Variants in WDFY4 observed in about 807,000 individuals in gnomAD.
WDFY4 encodes the protein WDFY family member 4.
WDFY4 carries 169 observed loss-of-function variants against 351.9 expected under a neutral mutation model. The observed-to-expected ratio is 0.48, with a 90% CI of 0.42 to 0.55. WDFY4 has a LOEUF of 0.55. Ranked by LOEUF, WDFY4 falls within the 20% of genes least tolerant of loss-of-function variation. The pLI is 0.00. For synonymous variants in WDFY4, 1,622 were observed against 1,574.6 expected (o/e 1.03, Z -0.71); for missense variants, 3,803 against 3,935.6 (o/e 0.97, Z 0.90).
In WDFY4 at chr10:48,708,952, A is replaced by C. The variant is rs115257037; in HGVS notation, c.-17-764A>C. ...TGAACTATTTACATCTCTTTTATGT[A>C]TGCAGCCTTTTAAAAGAGAAGCAGC... On this transcript the variant is annotated intron_variant, in intron 1 of 61. Coordinates refer to ENST00000325239, the MANE Select transcript of WDFY4 (RefSeq NM_001394531.1). Among the ~76,000 whole-genome samples, 1,407 of 152,196 alleles carry C rather than the reference A, an allele frequency of 9.2e-3. 14 individuals are homozygous for C. The highest frequency in any genetic ancestry group is 0.032 in the African/African-American group (1,315 of 41,502).
chr10:48,923,506 A>ATATATATATATATATATGTATG lies in WDFY4; in HGVS notation c.7587-18293_7587-18292insATATATATATGTATGTATATAT, dbSNP rs143983467. 4.3e-3 allele frequency among the ~76,000 whole-genome samples: 500 copies of ATATATATATATATATATGTATG among 115,108 alleles called. 62 individuals are homozygous for ATATATATATATATATATGTATG. In the East Asian group the frequency reaches 0.045, roughly 10 times the overall value. 75.5% of individuals were successfully genotyped at this position (115,108 alleles called of 152,430 possible). On this transcript the variant is annotated intron_variant, in intron 47 of 61. Transcript: ENST00000325239. ...AACAAATAGTTTTTAGTATATATAT[A>ATATATATATATATATATGTATG]TATATATGTCCCAAATACCGCATAG...
chr10:48,723,673 T>C, intron 5 of WDFY4, 106 bp downstream of exon 5: 1 of 1,444,430 alleles, frequency 6.9e-7, no homozygotes, highest in East Asian at 2.5e-5. Flanking sequence ...CCCTGGTTCC[T>C]GAACTCCTCT....
Position 48,763,378 on chromosome 10 carries a change from C to T in WDFY4, c.2553+2938C>T, listed in dbSNP as rs149941922. Among the ~76,000 whole-genome samples the T allele has an allele frequency of 3.2e-3, 481 of 152,378 alleles. 1 individual carries two copies. The highest frequency in any genetic ancestry group is 3.2e-3 in the Non-Finnish European group (215 of 68,040). On this transcript the variant is annotated intron_variant, in intron 13 of 61. Transcript: ENST00000325239. ...GCAGGGTCATGCATTCTGGGCATGG[C>T]ACACCTTTCCAGGTACAACAGCCTT...
At chr10:48,713,640 G>A (rs1396759568) in intron 2 of WDFY4, among the ~76,000 whole-genome samples, 1 of 152,180 alleles carries the variant, frequency 6.6e-6, no homozygotes, top group Admixed American at 6.5e-5. Flanking sequence ...TTCCCTGAGG[G>A]GAGGAGTGAG....
chr10:48,788,233 T>G (rs762633531), intron 20 of WDFY4, among the ~76,000 whole-genome samples: 2 of 152,108 alleles, frequency 1.3e-5, no homozygotes, highest in Middle Eastern at 3.4e-3. Flanking sequence ...TTCACCATGT[T>G]GGCTAGACTG....
rs570245399 is a variant in WDFY4 at position 48,810,046 on chromosome 10, G to T, written c.4839-484G>T. Among the ~76,000 whole-genome samples, 73 of 141,084 alleles carry T rather than the reference G, an allele frequency of 5.2e-4. No individual in the cohort carries two copies. The East Asian group carries it at 0.027, about 51-fold the overall frequency. The allele number at this position is 141,084 out of a possible 152,430, so 92.6% of individuals were successfully genotyped here. A position where few individuals can be genotyped will look rare whatever the true frequency, so the allele number is the denominator to read the frequency against. On this transcript the variant is annotated intron_variant, in intron 28 of 61. Transcript: ENST00000325239. ...CATTTTTGAAAGTGACGTTAATCAT[G>T]TTTCTTTTTTTTTGGTGCTAAAACT...
chr10:48,724,340 T>C (rs140767876), intron 5 of WDFY4, among the ~76,000 whole-genome samples: 3 of 152,268 alleles, frequency 2.0e-5, no homozygotes, highest in East Asian at 3.9e-4. Flanking sequence ...CATGTCCACA[T>C]TGGCATCCAC....
intron 35 of WDFY4, among the ~76,000 whole-genome samples, chr10:48,825,439 T>C (rs563308425): frequency 6.6e-6 from 1 of 152,366 alleles, no homozygotes; most frequent in Non-Finnish European, 1.5e-5. Context: ...TGTATTTTTG[T>C]AACAGGATAA....
At chr10:48,955,726 C>G (rs549241974) in intron 51 of WDFY4, among the ~76,000 whole-genome samples, 11 of 152,328 alleles carry the variant, frequency 7.2e-5, no homozygotes, top group African/African-American at 2.6e-4. Flanking sequence ...ACCAGACATG[C>G]CAAGAGAAGG....
chr10:48,824,149 C>T, intron 35 of WDFY4: 1 of 985,454 alleles, frequency 1.0e-6, no homozygotes, highest in Non-Finnish European at 1.2e-6. Context: ...GAATTAAAAT[C>T]TTCTGGACTC....
At chr10:48,736,115 C>T (rs1455756034) in intron 11 of WDFY4, 45 bp downstream of exon 11, 2 of 1,543,762 alleles carry the variant, frequency 1.3e-6, no homozygotes, top group Non-Finnish European at 1.8e-6. Context: ...TGTGGATATG[C>T]ACCAAGCGAT....
At chr10:48,777,595 T>C in intron 17 of WDFY4, 100 bp downstream of exon 17, 1 of 1,204,360 alleles carries the variant, frequency 8.3e-7, no homozygotes, top group South Asian at 1.3e-5. Flanking sequence ...TTCAATAAAG[T>C]GTGAGCTGTG....
At chr10:48,696,594 G>T (rs949202103) in intron 1 of WDFY4, among the ~76,000 whole-genome samples, 3 of 152,262 alleles carry the variant, frequency 2.0e-5, no homozygotes, top group African/African-American at 7.2e-5. Flanking sequence ...TCAGCGGCCA[G>T]CCCAGGGGGA....
chr10:48,944,175 G>C (rs941243660), intron 49 of WDFY4, among the ~76,000 whole-genome samples: 8 of 152,206 alleles, frequency 5.3e-5, no homozygotes, highest in African/African-American at 1.9e-4. Context: ...AAAGGAGAGA[G>C]AGACACAGGG....
chr10:48,801,521 G>A (rs1159718380), intron 24 of WDFY4: 1 of 456,730 alleles, frequency 2.2e-6, no homozygotes. Context: ...ATGTTGGGGT[G>A]CCATGCTGGA....
At chr10:48,897,619 G>A (rs1837150839) in intron 45 of WDFY4, 45 bp downstream of exon 45, 1 of 1,532,454 alleles carries the variant, frequency 6.5e-7, no homozygotes, top group Non-Finnish European at 8.8e-7. Flanking sequence ...GCGAGAGGCA[G>A]GGCCATGGGA....
In WDFY4 at chr10:48,822,371, A is replaced by T. The variant is rs1447475581; in HGVS notation, c.5825-9A>T. Reference sequence around the variant, plus strand: ...GACTCTCACCTCCACCTGTCCCCTCACTCCACAGACGGCAAAGAGCCTCAG... The same window carrying T: ...GACTCTCACCTCCACCTGTCCCCTCTCTCCACAGACGGCAAAGAGCCTCAG... On this transcript the variant is annotated splice_polypyrimidine_tract_variant and intron_variant, in intron 34 of 61. Coordinates refer to ENST00000325239, the MANE Select transcript of WDFY4 (RefSeq NM_001394531.1). The T allele has an allele frequency of 1.3e-6, 2 of 1,532,148 alleles. No individual in the cohort carries two copies. Among genetic ancestry groups the T allele is most frequent in the Non-Finnish European group, 1.8e-6 (2 of 1,136,358 alleles). The allele number at this position is 1,532,148 out of a possible 1,614,324, so 94.9% of individuals were successfully genotyped here. A position where few individuals can be genotyped will look rare whatever the true frequency, so the allele number is the denominator to read the frequency against.
At chr10:48,814,221 G>C in intron 31 of WDFY4, 139 bp downstream of exon 31, 1 of 1,211,794 alleles carries the variant, frequency 8.3e-7, no homozygotes, top group Non-Finnish European at 1.1e-6. Flanking sequence ...GGTGAGGTAA[G>C]TTCCTAGAGT....
intron 37 of WDFY4, among the ~76,000 whole-genome samples, chr10:48,829,812 A>G (rs1008616531): frequency 1.3e-5 from 2 of 152,184 alleles, no homozygotes; most frequent in African/African-American, 4.8e-5. Context: ...AGATCACACC[A>G]CTGCACTCCA....
Sources: gnomAD v4.1 joint callset for allele counts (sites outside exome capture counted in the v4.1 genomes callset) on GRCh38, gnomAD v4.1.1 for gene constraint, MANE v1.5 for transcripts, NCBI Gene and HGNC (gene_info 2026-07-23, HGNC 2026-07-21) for gene names.